Variants in VPS13B observed in about 807,000 individuals in gnomAD.
VPS13B encodes the protein intermembrane lipid transfer protein VPS13B.
In VPS13B, 285 loss-of-function variants were observed where a neutral mutation model predicts 426.4. The observed-to-expected ratio is 0.67, with a 90% CI of 0.61 to 0.74. The LOEUF (loss-of-function observed/expected upper bound fraction) is 0.74, where lower values mean the gene tolerates loss of function less well. VPS13B is among the 30% of genes least tolerant of loss of function. The pLI, the probability that VPS13B is intolerant of heterozygous loss-of-function variation, is 0.00. For synonymous variants in VPS13B, 1,676 were observed against 1,676.4 expected, an observed-to-expected ratio of 1.00 and a Z score of 0.01; for missense variants, 4,537 against 4,782.6, an observed-to-expected ratio of 0.95 and a Z score of 1.51.
intron 39 of VPS13B, among the ~76,000 whole-genome samples, chr8:99,738,541 G>A (rs1033404574): frequency 6.6e-6 from 1 of 152,144 alleles, no homozygotes; most frequent in African/African-American, 2.4e-5. Flanking sequence ...GCTACTTTTA[G>A]TAATCGTGTA....
At chr8:99,375,665 C>T (rs1813444663) in intron 19 of VPS13B, among the ~76,000 whole-genome samples, 1 of 152,116 alleles carries the variant, frequency 6.6e-6, no homozygotes, top group Non-Finnish European at 1.5e-5. Context: ...AGTAGTGATT[C>T]TTCTTTCATT....
At chr8:99,450,542 G>T (rs566842178) in intron 23 of VPS13B, among the ~76,000 whole-genome samples, 68 of 152,120 alleles carry the variant, frequency 4.5e-4, no homozygotes, top group African/African-American at 1.6e-3. Context: ...GTGAAACCCT[G>T]TCTCTACTAA....
intron 33 of VPS13B, among the ~76,000 whole-genome samples, chr8:99,600,889 C>A (rs1161399556): frequency 1.3e-5 from 2 of 152,174 alleles, no homozygotes; most frequent in Admixed American, 6.5e-5. Context: ...TTATTGAACT[C>A]TTAACCAGCT....
At chr8:99,054,628 A>C (rs1396963902) in intron 3 of VPS13B, among the ~76,000 whole-genome samples, 1 of 152,148 alleles carries the variant, frequency 6.6e-6, no homozygotes, top group Non-Finnish European at 1.5e-5. Context: ...CTAAGAGTTC[A>C]TTGCTTTATC....
At chr8:99,043,199 C>T (rs765092612) in intron 3 of VPS13B, among the ~76,000 whole-genome samples, 1 of 151,564 alleles carries the variant, frequency 6.6e-6, no homozygotes, top group Admixed American at 6.6e-5. Flanking sequence ...TTTTTATTTA[C>T]TGGATGGTCA....
intron 17 of VPS13B, among the ~76,000 whole-genome samples, chr8:99,259,231 C>A (rs1169332525): frequency 6.6e-6 from 1 of 151,958 alleles, no homozygotes; most frequent in African/African-American, 2.4e-5. Flanking sequence ...AGTATTTAAC[C>A]TCAGAAATTA....
intron 36 of VPS13B, among the ~76,000 whole-genome samples, chr8:99,705,168 G>A: frequency 6.6e-6 from 1 of 152,026 alleles, no homozygotes; most frequent in Non-Finnish European, 1.5e-5. Context: ...TAGATTACCT[G>A]TAGATTACTG....
At chr8:99,780,263 A>G (rs1811952057) in intron 42 of VPS13B, among the ~76,000 whole-genome samples, 1 of 152,190 alleles carries the variant, frequency 6.6e-6, no homozygotes, top group Admixed American at 6.6e-5. Context: ...ATTTTGAACA[A>G]TACATTTAAT....
At chr8:99,169,840 C>G (rs1460255107) in intron 15 of VPS13B, among the ~76,000 whole-genome samples, 199 bp from the exon 16 acceptor site, 1 of 151,904 alleles carries the variant, frequency 6.6e-6, no homozygotes, top group African/African-American at 2.4e-5. Context: ...GAAATAAATA[C>G]TGTATATTTA....
chr8:99,492,318 G>A (rs1318242742), intron 25 of VPS13B, among the ~76,000 whole-genome samples: 1 of 152,192 alleles, frequency 6.6e-6, no homozygotes, highest in Non-Finnish European at 1.5e-5. Flanking sequence ...GGCTACACGG[G>A]CGTCAGGGAC....
Position 99,854,088 on chromosome 8 carries a change from C to A in VPS13B, c.10699C>A (p.Pro3567Thr), listed in dbSNP as rs759972908. 6.8e-6 allele frequency: 11 copies of A among 1,613,078 alleles called. No individual in the cohort carries two copies. The highest frequency in any genetic ancestry group is 9.3e-6 in the Non-Finnish European group (11 of 1,179,232). The change falls in exon 56 of 62, where the codon CCA (proline) becomes ACA (threonine). Residue 3567 changes from proline (P) to threonine (T), a missense_variant. By Grantham distance (38) the Pro-to-Thr change is conservative (BLOSUM62 -1). This residue lies in a region of VPS13B where 4,311 missense variants were observed against 4,474.3 expected (regional missense o/e 0.96). Transcript: ENST00000357162. ...PVKLRKLVIQ[P>T]VNLLVSIHAS... ...GAAGTTACGGAAACTGGTGATCCAG[C>A]CAGTAAATTTGCTCGTCAGCATCCA...
chr8:99,043,685 A>G (rs1156941496), intron 3 of VPS13B, among the ~76,000 whole-genome samples: 1 of 151,748 alleles, frequency 6.6e-6, no homozygotes, highest in Non-Finnish European at 1.5e-5. Flanking sequence ...TGGTTCACAG[A>G]CTTTTTTTTT....
At chr8:99,405,376 T>C (rs1395119335) in intron 21 of VPS13B, among the ~76,000 whole-genome samples, 1 of 152,194 alleles carries the variant, frequency 6.6e-6, no homozygotes. Flanking sequence ...GTGTCTCCCT[T>C]TCCTGTCCAT....
intron 24 of VPS13B, among the ~76,000 whole-genome samples, chr8:99,474,257 C>T (rs1195715669): frequency 7.0e-6 from 1 of 143,690 alleles, no homozygotes; most frequent in Non-Finnish European, 1.5e-5. Context: ...GATGTGATCT[C>T]GGCTCACTGC....
chr8:99,146,191 A>G (rs1457019764), intron 13 of VPS13B, among the ~76,000 whole-genome samples: 1 of 152,210 alleles, frequency 6.6e-6, no homozygotes, highest in African/African-American at 2.4e-5. Context: ...TTTTATACTC[A>G]AGTATGTCAT....
At chr8:99,313,698 C>G (rs1821142654) in intron 19 of VPS13B, among the ~76,000 whole-genome samples, 2 of 152,178 alleles carry the variant, frequency 1.3e-5, no homozygotes, top group Non-Finnish European at 2.9e-5. Flanking sequence ...TCAAACCTGT[C>G]AGACAGGGAT....
At chr8:99,835,387 T>C in intron 53 of VPS13B, 63 bp downstream of exon 53, 2 of 1,558,988 alleles carry the variant, frequency 1.3e-6, no homozygotes, top group Non-Finnish European at 1.8e-6. Flanking sequence ...GATTTTTTGA[T>C]TTAGTAGTTA....
chr8:99,591,201 G>T (rs1826654006), intron 33 of VPS13B, among the ~76,000 whole-genome samples: 1 of 134,138 alleles, frequency 7.5e-6, no homozygotes, highest in Non-Finnish European at 1.6e-5. Context: ...CATTTGCTTG[G>T]TAGATCTTCC....
At position 99,522,923 on chromosome 8, in the gene VPS13B, A is replaced by C. The variant is rs1234661739; in HGVS notation, c.4745+1913A>C. 3.9e-5 allele frequency among the ~76,000 whole-genome samples: 6 copies of C among 152,324 alleles called. No individual in the cohort carries two copies. The South Asian group carries it at 1.2e-3, about 32-fold the overall frequency. On this transcript the variant is annotated intron_variant, in intron 30 of 61. Transcript: ENST00000357162. Reference sequence around the variant, plus strand: ...CTTTTGAGTGAATGATCAGAGTGGGAGTAGCTCAGTATAATAAATGTATAC... The same window carrying C: ...CTTTTGAGTGAATGATCAGAGTGGGCGTAGCTCAGTATAATAAATGTATAC...
Sources: allele counts gnomAD v4.1 joint callset (sites outside exome capture counted in the v4.1 genomes callset), GRCh38; gene constraint gnomAD v4.1.1; regional missense constraint gnomAD v4.1.1; transcripts MANE v1.5; gene names NCBI Gene and HGNC (gene_info 2026-07-23, HGNC 2026-07-21).